SCUBE1: variants seen among roughly 807,000 people sequenced by gnomAD.
The protein encoded by SCUBE1 is signal peptide, CUB and EGF-like domain-containing protein 1.
A neutral mutation model predicts 124.4 loss-of-function variants in SCUBE1; 59 were observed. That is an observed-to-expected ratio of 0.47 (90% CI 0.38 to 0.59). The LOEUF is 0.59. SCUBE1 is among the 20% of genes least tolerant of loss of function. SCUBE1 has a pLI of 0.00. For missense variants in SCUBE1, 1,150 were observed against 1,371.2 expected, an observed-to-expected ratio of 0.84 and a Z score of 2.55; for synonymous variants, 545 against 550.9, an observed-to-expected ratio of 0.99 and a Z score of 0.15.
Position 43,201,408 on chromosome 22 carries a change from G to C in SCUBE1, c.*2589C>G, listed in dbSNP as rs953130334. 6.6e-6 allele frequency: 1 copy of C among 151,704 alleles called. No homozygotes were observed. The highest frequency in any genetic ancestry group is 2.4e-5 in the African/African-American group (1 of 41,256). The allele number at this position is 151,704 out of a possible 1,614,324, so 9.4% of individuals were successfully genotyped here. On this transcript the variant is annotated 3_prime_UTR_variant, in exon 22 of 22. Coordinates refer to ENST00000360835, the MANE Select transcript of SCUBE1 (RefSeq NM_173050.5). ...AAGTGTGATGGTTGATTGCATGGTCGTCTTGGTTGGGTGAACGGATACCCA... is the reference window on the plus strand; with the variant it reads ...AAGTGTGATGGTTGATTGCATGGTCCTCTTGGTTGGGTGAACGGATACCCA...
At chr22:43,241,692 C>A (rs1923012806) in intron 6 of SCUBE1, among the ~76,000 whole-genome samples, 1 of 152,236 alleles carries the variant, frequency 6.6e-6, no homozygotes, top group African/African-American at 2.4e-5. Context: ...TTCCCCAGCA[C>A]TTCCCAGCTC....
At chr22:43,267,787 T>C (rs1004343894) in intron 4 of SCUBE1, among the ~76,000 whole-genome samples, 3 of 152,000 alleles carry the variant, frequency 2.0e-5, no homozygotes, top group Admixed American at 6.6e-5. Flanking sequence ...CTCTCTGCCC[T>C]CTCCCAGAGG....
intron 4 of SCUBE1, chr22:43,270,707 A>C (rs903715340): frequency 6.6e-6 from 1 of 152,298 alleles, no homozygotes; most frequent in African/African-American, 2.4e-5. Flanking sequence ...TGAGTAGGAC[A>C]TGGGAGGCAG....
intron 3 of SCUBE1, among the ~76,000 whole-genome samples, chr22:43,300,040 C>T (rs936925333): frequency 2.0e-5 from 3 of 152,174 alleles, no homozygotes; most frequent in African/African-American, 7.2e-5. Flanking sequence ...GATGGACATC[C>T]GGGTTGTGCT....
intron 4 of SCUBE1, among the ~76,000 whole-genome samples, chr22:43,287,478 G>T (rs368104285): frequency 1.3e-5 from 2 of 152,216 alleles, no homozygotes; most frequent in East Asian, 3.9e-4. Flanking sequence ...GCCTAGCCAG[G>T]GTCGCAGCCA....
intron 14 of SCUBE1, 145 bp downstream of exon 14, chr22:43,220,305 T>C (rs1408252843): frequency 4.3e-6 from 4 of 922,952 alleles, no homozygotes; most frequent in Middle Eastern, 2.5e-4. Flanking sequence ...GGCCTGCCTC[T>C]GTCTCCAGAA....
intron 4 of SCUBE1, among the ~76,000 whole-genome samples, chr22:43,268,130 T>C (rs553126344): frequency 2.6e-5 from 4 of 152,330 alleles, no homozygotes; most frequent in African/African-American, 9.6e-5. Flanking sequence ...TGCCAGCCTG[T>C]GAGCTCTTCC....
intron 21 of SCUBE1, among the ~76,000 whole-genome samples, chr22:43,206,524 A>G (rs1051785596): frequency 7.2e-5 from 11 of 152,038 alleles, no homozygotes; most frequent in African/African-American, 2.4e-4. Flanking sequence ...GGCGCCAGGA[A>G]GGAGGGGCAC....
At chr22:43,336,717 A>T (rs893489725) in intron 2 of SCUBE1, among the ~76,000 whole-genome samples, 1 of 152,240 alleles carries the variant, frequency 6.6e-6, no homozygotes, top group African/African-American at 2.4e-5. Flanking sequence ...CTCTGGGAGC[A>T]GGGTAGGTAC....
chr22:43,211,455 G>A lies in SCUBE1; in HGVS notation c.2222-372C>T, dbSNP rs1481934395. Among the ~76,000 whole-genome samples the A allele has an allele frequency of 1.3e-5, 2 of 152,120 alleles. No homozygotes were observed. The highest frequency in any genetic ancestry group is 2.9e-5 in the Non-Finnish European group (2 of 68,022). ...AAACCCTCTTTCTACAAGGTTGCTG[G>A]GGCAGGAGAGACAGGCGGCCGGAGT... On this transcript the variant is annotated intron_variant, in intron 17 of 21. Transcript: ENST00000360835. The surrounding 1 kb of genome is among the most constrained non-coding windows in gnomAD (Gnocchi z 4.5).
chr22:43,309,567 C>T (rs1386304906), intron 3 of SCUBE1, among the ~76,000 whole-genome samples: 6 of 152,132 alleles, frequency 3.9e-5, no homozygotes, highest in East Asian at 1.9e-4. Context: ...ATCTAGACGC[C>T]ATGTAGAAAC....
At position 43,262,235 on chromosome 22, in the gene SCUBE1, C is replaced by T. The variant is rs1601838181; in HGVS notation, c.610+485G>A. 2.6e-5 allele frequency among the ~76,000 whole-genome samples: 4 copies of T among 152,184 alleles called. No individual in the cohort carries two copies. The South Asian group carries it at 8.3e-4, about 32-fold the overall frequency. On this transcript the variant is annotated intron_variant, in intron 5 of 21. Transcript: ENST00000360835. ...GGACTCAAAGTCGGGCTAGAGTGAT[C>T]CTCTGGCTTCTGCCTCCCAAGAAGC...
At chr22:43,232,797 G>T (rs1922608863) in intron 7 of SCUBE1, among the ~76,000 whole-genome samples, 1 of 152,178 alleles carries the variant, frequency 6.6e-6, no homozygotes, top group South Asian at 2.1e-4. Context: ...CCTAAACACA[G>T]CCCTGACCCC....
At chr22:43,275,597 G>C (rs892359609) in intron 4 of SCUBE1, among the ~76,000 whole-genome samples, 3 of 152,222 alleles carry the variant, frequency 2.0e-5, no homozygotes, top group African/African-American at 7.2e-5. Context: ...AGAGGAAGAC[G>C]TGCACGCCTG....
intron 2 of SCUBE1, among the ~76,000 whole-genome samples, chr22:43,329,177 G>T: frequency 6.6e-6 from 1 of 152,250 alleles, no homozygotes; most frequent in East Asian, 1.9e-4. Context: ...CCAGCCTGGA[G>T]CGGGGAATGA....
chr22:43,231,074 C>T (rs987664318), intron 8 of SCUBE1, among the ~76,000 whole-genome samples: 1 of 152,210 alleles, frequency 6.6e-6, no homozygotes, highest in Non-Finnish European at 1.5e-5. Flanking sequence ...CACAGGGTAC[C>T]TGTCTCCTTC....
Position 43,305,243 on chromosome 22 carries a change from C to T in SCUBE1, c.350-14063G>A, listed in dbSNP as rs548008726. Among the ~76,000 whole-genome samples, 8 of 152,338 alleles carry T rather than the reference C, an allele frequency of 5.3e-5. No homozygotes were observed. In the South Asian group the frequency reaches 8.3e-4, roughly 16 times the overall value. On this transcript the variant is annotated intron_variant, in intron 3 of 21. Coordinates refer to ENST00000360835, the MANE Select transcript of SCUBE1 (RefSeq NM_173050.5). ...GGACACGGACATCAGGACATGAAAA[C>T]GCTTGCTCTATTGGAGGGGTGAGAA...
intron 6 of SCUBE1, among the ~76,000 whole-genome samples, chr22:43,248,666 C>T (rs1006514426): frequency 1.3e-5 from 2 of 152,218 alleles, no homozygotes; most frequent in Admixed American, 6.5e-5. Flanking sequence ...AGGGAGGCCA[C>T]GACTTGAGAG....
chr22:43,253,182 G>A (rs997066391), intron 6 of SCUBE1, among the ~76,000 whole-genome samples: 3 of 152,112 alleles, frequency 2.0e-5, no homozygotes, highest in Admixed American at 2.0e-4. Context: ...AATACAACGT[G>A]GGGGGCACCA....
Sources: gnomAD v4.1 joint callset for allele counts (sites outside exome capture counted in the v4.1 genomes callset) on GRCh38, gnomAD v4.1.1 for gene constraint, Gnocchi (gnomAD v3.1) non-coding constraint, MANE v1.5 for transcripts, NCBI Gene and HGNC (gene_info 2026-07-23, HGNC 2026-07-21) for gene names.